DOP1B: variants seen among roughly 807,000 people sequenced by gnomAD.
DOP1B encodes the protein protein DOP1B.
Under a neutral mutation model 233.5 loss-of-function variants are expected in DOP1B, and 174 were observed. The ratio of observed to expected loss-of-function variants is 0.75; its 90% confidence interval spans 0.66 to 0.85. DOP1B has a LOEUF of 0.85. Ranked by LOEUF, DOP1B falls within the 40% of genes least tolerant of loss-of-function variation. The pLI is 0.00. For synonymous variants in DOP1B, 1,190 were observed against 1,185.6 expected, an observed-to-expected ratio of 1.00 and a Z score of -0.08; for missense variants, 2,652 against 2,846.6, an observed-to-expected ratio of 0.93 and a Z score of 1.56.
intron 2 of DOP1B, among the ~76,000 whole-genome samples, chr21:36,190,976 T>C (rs1390578213): frequency 2.6e-5 from 4 of 152,188 alleles, no homozygotes. Context: ...CAGTGACATG[T>C]GGCCCAGTTT....
At chr21:36,231,894 G>A (rs1317827956) in intron 14 of DOP1B, among the ~76,000 whole-genome samples, 1 of 148,050 alleles carries the variant, frequency 6.8e-6, no homozygotes, top group African/African-American at 2.5e-5. Flanking sequence ...TCGCCAGGCT[G>A]GAGTGCAGTG....
chr21:36,244,427 GT>G (rs1277789873), intron 18 of DOP1B, among the ~76,000 whole-genome samples: 1 of 151,636 alleles, frequency 6.6e-6, no homozygotes, highest in Non-Finnish European at 1.5e-5. Flanking sequence ...ATACATTTCT[GT>G]TTTTTTGTTT....
At position 36,273,037 on chromosome 21, in the gene DOP1B, G is replaced by A. The variant is rs2067307842; in HGVS notation, c.5632+2880G>A. 2.0e-5 allele frequency among the ~76,000 whole-genome samples: 3 copies of A among 150,082 alleles called. No homozygotes were observed. In the South Asian group the frequency reaches 6.3e-4, roughly 32 times the overall value. ...CCATCTCTACAAAAGGGGAGGCAGA[G>A]GTTGCAGTGAGTCGAGATGGCGTCA... On this transcript the variant is annotated intron_variant, in intron 27 of 36. Coordinates refer to ENST00000691173, the MANE Select transcript of DOP1B (RefSeq NM_001320714.2).
At chr21:36,212,770 C>G (rs1311868730) in intron 7 of DOP1B, among the ~76,000 whole-genome samples, 2 of 152,200 alleles carry the variant, frequency 1.3e-5, no homozygotes, top group African/African-American at 4.8e-5. Flanking sequence ...CTGATCAACT[C>G]TCAACATTTA....
In DOP1B at chr21:36,285,940, G is replaced by A. The variant is rs151094868; in HGVS notation, c.6161-2074G>A. Among the ~76,000 whole-genome samples, 1,512 of 151,964 alleles carry A rather than the reference G, an allele frequency of 9.9e-3. 20 individuals are homozygous for A. The highest frequency in any genetic ancestry group is 0.034 in the African/African-American group (1,405 of 41,450). On this transcript the variant is annotated intron_variant, in intron 32 of 36. Transcript: ENST00000691173. ...GGAGAATTGCTTGAACCCTGGAGGC[G>A]GAGGTTGCAATGAGCCGAGATCGCG...
intron 11 of DOP1B, among the ~76,000 whole-genome samples, chr21:36,224,793 G>A (rs1426538754): frequency 6.6e-6 from 1 of 151,324 alleles, no homozygotes; most frequent in Non-Finnish European, 1.5e-5. Flanking sequence ...TGATTGGTGG[G>A]GTTACACTTC....
At chr21:36,280,161 C>T (rs182043123) in intron 30 of DOP1B, 124 bp from the exon 31 acceptor site, 143 of 652,682 alleles carry the variant, frequency 2.2e-4, no homozygotes, top group Middle Eastern at 8.8e-4. Context: ...AGGCGTGAGC[C>T]ACTGCACCTG....
rs754436163 is a variant in DOP1B at position 36,245,394 on chromosome 21, G to T, written c.3414G>T (p.Leu1138=). The part of the protein sequence containing the change: ...FSSPSHDLQE[L]SNEENCCAPI... ...CCCCTTCCCACGACCTGCAGGAGCT[G>T]AGCAACGAAGAGAACTGCTGTGCAC... The change falls in exon 19 of 37, where the codon CTG becomes CTT. Residue 1138 remains leucine, a synonymous_variant. Coordinates refer to ENST00000691173, the MANE Select transcript of DOP1B (RefSeq NM_001320714.2). This position sits in a 1 kb window ranked among gnomAD's most constrained non-coding sequence, Gnocchi z 5.5. 1 of 1,613,964 alleles carries T rather than the reference G, an allele frequency of 6.2e-7. No individual in the cohort carries two copies. Among genetic ancestry groups the T allele is most frequent in the South Asian group, 1.1e-5 (1 of 91,086 alleles).
chr21:36,249,104 C>CA (rs935333879), intron 21 of DOP1B, among the ~76,000 whole-genome samples: 5 of 148,400 alleles, frequency 3.4e-5, no homozygotes, highest in Admixed American at 6.7e-5. Flanking sequence ...AACCCCATCT[C>CA]AAAAAAAAAT....
At position 36,261,779 on chromosome 21, in the gene DOP1B, AG is replaced by A. The variant is rs1288018368; in HGVS notation, c.5315+1048del. 6 of 589,212 alleles carry A rather than the reference AG, an allele frequency of 1.0e-5. No individual in the cohort carries two copies. The East Asian group carries it at 8.7e-4, about 85-fold the overall frequency. 36.5% of individuals were successfully genotyped at this position (589,212 alleles called of 1,614,324 possible). A position where few individuals can be genotyped will look rare whatever the true frequency, so the allele number is the denominator to read the frequency against. ...AAAAAATTAGCCAGGGCTTGGTGGC[AG>A]CATGCCTGTAGTCCCAGCTACTCGG... On this transcript the variant is annotated intron_variant, in intron 24 of 36. Transcript: ENST00000691173.
intron 8 of DOP1B, 69 bp downstream of exon 8, chr21:36,214,259 G>A: frequency 7.1e-7 from 1 of 1,416,258 alleles, no homozygotes. Context: ...TCTTTGGGAG[G>A]CTTCCACATA....
intron 23 of DOP1B, 52 bp from the exon 24 acceptor site, chr21:36,260,625 T>G: frequency 6.2e-7 from 1 of 1,609,590 alleles, no homozygotes. Context: ...CTGAATTCTT[T>G]TAGCCTTATT....
In DOP1B at chr21:36,245,540, A is replaced by G. The variant is rs1428215263; in HGVS notation, c.3560A>G (p.Gln1187Arg). The G allele has an allele frequency of 6.2e-7, 1 of 1,613,554 alleles. No individual in the cohort carries two copies. The highest frequency in any genetic ancestry group is 8.5e-7 in the Non-Finnish European group (1 of 1,180,024). ...SLVRVDSDKT[Q>R]ASESFSSDEE... is the part of the protein sequence containing the mutation. ...GTGCGGGTGGACTCGGACAAGACGCAGGCTTCTGAGTCGTTCTCCAGCGAC... is the reference window on the plus strand; with the variant it reads ...GTGCGGGTGGACTCGGACAAGACGCGGGCTTCTGAGTCGTTCTCCAGCGAC... The change falls in exon 19 of 37, where the codon CAG (glutamine) becomes CGG (arginine). Residue 1187 changes from glutamine to arginine, a missense_variant. This residue lies in a region of DOP1B where 2,617 missense variants were observed against 2,794.3 expected (regional missense o/e 0.94). Coordinates refer to ENST00000691173, the MANE Select transcript of DOP1B (RefSeq NM_001320714.2). This position sits in a 1 kb window ranked among gnomAD's most constrained non-coding sequence, Gnocchi z 5.5.
chr21:36,291,576 G>A (rs567085111), intron 35 of DOP1B, among the ~76,000 whole-genome samples: 1 of 151,982 alleles, frequency 6.6e-6, no homozygotes, highest in South Asian at 2.1e-4. Context: ...AAAAAAGTGG[G>A]TTCCGATATA....
chr21:36,164,147 A>G (rs1484696030), intron 1 of DOP1B, among the ~76,000 whole-genome samples: 1 of 152,156 alleles, frequency 6.6e-6, no homozygotes, highest in Non-Finnish European at 1.5e-5. Flanking sequence ...TGTTGGGTAG[A>G]TGCCTGCCAC....
At position 36,251,203 on chromosome 21, in the gene DOP1B, G is replaced by A. The variant is rs772163576; in HGVS notation, c.5040G>A (p.Thr1680=). The A allele has an allele frequency of 3.1e-6, 5 of 1,613,802 alleles. No homozygotes were observed. The highest frequency in any genetic ancestry group is 1.3e-5 in the African/African-American group (1 of 74,860). Reference sequence around the variant, plus strand: ...TTTTAGACTTCTTAAACCCCTTGACGGCCCATCTTGGGGTTCAGTTGACAG... The same window carrying A: ...TTTTAGACTTCTTAAACCCCTTGACAGCCCATCTTGGGGTTCAGTTGACAG... The part of the protein sequence containing the change: ...QKILDFLNPL[T]AHLGVQLTAA... Residue 1680 remains threonine, a synonymous_variant, in exon 22 of 37, where the codon ACG becomes ACA. Coordinates refer to ENST00000691173, the MANE Select transcript of DOP1B (RefSeq NM_001320714.2).
At chr21:36,210,783 G>A (rs1486909785) in intron 5 of DOP1B, among the ~76,000 whole-genome samples, 1 of 152,192 alleles carries the variant, frequency 6.6e-6, no homozygotes, top group African/African-American at 2.4e-5. Context: ...CTGCACTCCA[G>A]CCTGAGTGAC....
At chr21:36,194,662 T>G (rs1163742049) in intron 2 of DOP1B, among the ~76,000 whole-genome samples, 1 of 151,948 alleles carries the variant, frequency 6.6e-6, no homozygotes, top group Non-Finnish European at 1.5e-5. Context: ...AATTTTTGTA[T>G]TTTTAGTAGA....
Position 36,199,234 on chromosome 21 carries a change from G to T in DOP1B, c.303G>T (p.Lys101Asn). The change falls in exon 3 of 37, where the codon AAG becomes AAT. Residue 101 changes from lysine (K) to asparagine (N), a missense_variant. Physicochemically the swap from Lys to Asn is moderately conservative, Grantham distance 94 (BLOSUM62 0). Coordinates refer to ENST00000691173, the MANE Select transcript of DOP1B (RefSeq NM_001320714.2). ...FKIVGTKWLAKDLFLYSCGLF... is the reference protein window; with the variant it reads ...FKIVGTKWLANDLFLYSCGLF... ...TCGTGGGGACCAAATGGCTGGCCAA[G>T]GACTTGTTTCTGTACAGGTGCGATT... is the stretch of plus-strand genomic sequence containing the variant. 6.2e-7 allele frequency: 1 copy of T among 1,613,990 alleles called. No individual in the cohort carries two copies. Among genetic ancestry groups the T allele is most frequent in the Non-Finnish European group, 8.5e-7 (1 of 1,179,968 alleles).
Sources: gnomAD v4.1 joint callset for allele counts (sites outside exome capture counted in the v4.1 genomes callset) on GRCh38, gnomAD v4.1.1 for gene constraint, gnomAD v4.1.1 regional missense constraint, Gnocchi (gnomAD v3.1) non-coding constraint, MANE v1.5 for transcripts, NCBI Gene and HGNC (gene_info 2026-07-23, HGNC 2026-07-21) for gene names.